The following MYO18B variants were observed in gnomAD, a reference collection of about 807,000 sequenced individuals.
The protein encoded by MYO18B is myosin XVIIIB, also known as unconventional myosin-XVIIIb.
A neutral mutation model predicts 273.0 loss-of-function variants in MYO18B; 204 were observed. The observed-to-expected ratio is 0.75, with a 90% CI of 0.67 to 0.84. MYO18B has a LOEUF of 0.84. Ranked by LOEUF, MYO18B falls within the 40% of genes least tolerant of loss-of-function variation. MYO18B has a pLI of 0.00. For missense variants in MYO18B, 3,212 were observed against 3,287.6 expected, an observed-to-expected ratio of 0.98 and a Z score of 0.56; for synonymous variants, 1,330 against 1,305.7, an observed-to-expected ratio of 1.02 and a Z score of -0.40.
rs144574970 is a variant in MYO18B at position 26,026,210 on chromosome 22, A to C, written c.6471-235A>C. 2.7e-3 allele frequency among the ~76,000 whole-genome samples: 407 copies of C among 152,258 alleles called. 3 individuals are homozygous for C. Among genetic ancestry groups the C allele is most frequent in the African/African-American group, 9.5e-3 (394 of 41,542 alleles). On this transcript the variant is annotated intron_variant, in intron 42 of 43. Coordinates refer to ENST00000335473, the MANE Select transcript of MYO18B (RefSeq NM_032608.7). ...CCTAGCTGCAGTTTTAATCTACTCA[A>C]ATGTACTTAGCTGGGTTTAATTATA...
At chr22:25,915,727 G>T (rs188827204) in intron 33 of MYO18B, among the ~76,000 whole-genome samples, 2 of 152,160 alleles carry the variant, frequency 1.3e-5, no homozygotes, top group Admixed American at 1.3e-4. Flanking sequence ...GATACTTAAG[G>T]TATCCTGATA....
At chr22:25,814,294 CTTT>C (rs398036691) in intron 12 of MYO18B, among the ~76,000 whole-genome samples, 20 of 59,476 alleles carry the variant, frequency 3.4e-4, no homozygotes, top group East Asian at 5.4e-4. Flanking sequence ...AGGCACCGTT[CTTT>C]TTTTTTTTTT....
chr22:25,908,808 A>G (rs903093388), intron 32 of MYO18B, among the ~76,000 whole-genome samples: 6 of 152,220 alleles, frequency 3.9e-5, no homozygotes. Context: ...CTTTGTAGCC[A>G]TTCCGAACAG....
At chr22:25,824,163 G>A (rs1016909516) in intron 13 of MYO18B, among the ~76,000 whole-genome samples, 3 of 152,200 alleles carry the variant, frequency 2.0e-5, no homozygotes, top group African/African-American at 7.2e-5. Context: ...GCCGTGGAGT[G>A]GCTTAGGCAG....
chr22:25,858,144 C>G (rs897537956), intron 21 of MYO18B, among the ~76,000 whole-genome samples: 2 of 152,224 alleles, frequency 1.3e-5, no homozygotes, highest in African/African-American at 4.8e-5. Context: ...GATTTGGCCA[C>G]TTGTGTGAGA....
At chr22:25,774,440 A>G (rs985146110) in intron 7 of MYO18B, among the ~76,000 whole-genome samples, 2 of 152,220 alleles carry the variant, frequency 1.3e-5, no homozygotes, top group Non-Finnish European at 2.9e-5. Flanking sequence ...ACATTTTTAT[A>G]GACCCAGATA....
chr22:26,042,757 C>G, the MYO18B span, among the ~76,000 whole-genome samples: 1 of 152,196 alleles, frequency 6.6e-6, no homozygotes, highest in Non-Finnish European at 1.5e-5. Context: ...ACTCAACAAG[C>G]ATTTATTGAG....
At position 25,950,405 on chromosome 22, in the gene MYO18B, G is replaced by A; in HGVS notation, c.5787G>A (p.Leu1929=). The change falls in exon 37 of 44, where the codon CTG becomes CTA. Residue 1929 remains leucine (L), a synonymous_variant. Transcript: ENST00000335473. The part of the protein sequence containing the change: ...ADIGQIQELQ[L]QLEEAKKEKH... ...TTGGGCAGATCCAAGAACTGCAGCT[G>A]CAGCTGGAGGAAGCCAAGAAGGAGA... is the stretch of plus-strand genomic sequence containing the variant. 1 of 1,607,952 alleles carries A rather than the reference G, an allele frequency of 6.2e-7. No individual in the cohort carries two copies. The highest frequency in any genetic ancestry group is 1.1e-5 in the South Asian group (1 of 89,780).
In MYO18B at chr22:26,030,717, T is replaced by A; in HGVS notation, c.*287T>A. 1 of 387,830 alleles carries A rather than the reference T, an allele frequency of 2.6e-6. No homozygotes were observed. Among genetic ancestry groups the A allele is most frequent in the Admixed American group, 4.5e-5 (1 of 22,356 alleles). 24.0% of individuals were successfully genotyped at this position (387,830 alleles called of 1,614,324 possible). On this transcript the variant is annotated 3_prime_UTR_variant, in exon 44 of 44. Coordinates refer to ENST00000335473, the MANE Select transcript of MYO18B (RefSeq NM_032608.7). ...TGGGGTGCAGATAGGGGTAGGACTG[T>A]TAGAATAGAACCAACCCAAACTGTG...
chr22:25,925,750 C>G (rs1261400519), intron 34 of MYO18B, among the ~76,000 whole-genome samples: 10 of 148,918 alleles, frequency 6.7e-5, no homozygotes, highest in African/African-American at 2.5e-4. Context: ...ACTAAAAATA[C>G]AAAAATTAGC....
chr22:25,865,120 T>G (rs2090848998), intron 21 of MYO18B, among the ~76,000 whole-genome samples: 1 of 152,222 alleles, frequency 6.6e-6, no homozygotes, highest in Non-Finnish European at 1.5e-5. Context: ...GCAAAGTAAT[T>G]TATAAAGTCC....
intron 35 of MYO18B, among the ~76,000 whole-genome samples, chr22:25,947,134 T>TA (rs1269199045): frequency 6.7e-6 from 1 of 149,862 alleles, no homozygotes; most frequent in Non-Finnish European, 1.5e-5. Context: ...CACATACACA[T>TA]ACATGCGCAC....
chr22:25,914,474 T>C (rs1033159920), intron 33 of MYO18B, among the ~76,000 whole-genome samples: 1 of 152,088 alleles, frequency 6.6e-6, no homozygotes, highest in Non-Finnish European at 1.5e-5. Flanking sequence ...ACTTGTAGTT[T>C]CTATGGCTAT....
At chr22:25,959,660 C>T (rs1405697834) in intron 39 of MYO18B, among the ~76,000 whole-genome samples, 2 of 152,188 alleles carry the variant, frequency 1.3e-5, no homozygotes, top group Non-Finnish European at 2.9e-5. Context: ...TTTATTCATT[C>T]CATCAACAAA....
At chr22:25,842,240 A>C (rs1336778985) in intron 17 of MYO18B, among the ~76,000 whole-genome samples, 1 of 152,180 alleles carries the variant, frequency 6.6e-6, no homozygotes, top group African/African-American at 2.4e-5. Flanking sequence ...TGGAGTTTAG[A>C]GGCAGCAAAT....
At position 25,847,458 on chromosome 22, in the gene MYO18B, C is replaced by T; in HGVS notation, c.3581C>T (p.Ser1194Phe). 1 of 1,575,652 alleles carries T rather than the reference C, an allele frequency of 6.3e-7. No individual in the cohort carries two copies. Among genetic ancestry groups the T allele is most frequent in the Non-Finnish European group, 8.6e-7 (1 of 1,160,334 alleles). Residue 1194 changes from serine to phenylalanine, a missense_variant, in exon 20 of 44, where the codon TCC (serine) becomes TTC (phenylalanine). Transcript: ENST00000335473. ...GCGCTGACCAGCATGATCAAAAGGT[C>T]CCGGCTGCACTTTATCCACTGCCTG... ...MDALTSMIKR[S>F]RLHFIHCLVP... is the part of the protein sequence containing the mutation.
intron 21 of MYO18B, among the ~76,000 whole-genome samples, chr22:25,857,579 C>T (rs1225924276): frequency 1.3e-5 from 2 of 152,234 alleles, no homozygotes; most frequent in Non-Finnish European, 2.9e-5. Flanking sequence ...CATGGGCTCC[C>T]ACCACCTTCG....
At chr22:25,936,165 G>C (rs2092575664) in intron 34 of MYO18B, among the ~76,000 whole-genome samples, 1 of 152,186 alleles carries the variant, frequency 6.6e-6, no homozygotes, top group South Asian at 2.1e-4. Flanking sequence ...ATGTAAATGA[G>C]ACGGGGATCG....
At chr22:25,972,501 A>G (rs952538789) in intron 39 of MYO18B, among the ~76,000 whole-genome samples, 1 of 152,320 alleles carries the variant, frequency 6.6e-6, no homozygotes, top group East Asian at 1.9e-4. Flanking sequence ...TGGCTATAGA[A>G]ATGTAGAGTC....
Sources: gnomAD v4.1 joint callset for allele counts (sites outside exome capture counted in the v4.1 genomes callset) on GRCh38, gnomAD v4.1.1 for gene constraint, MANE v1.5 for transcripts, NCBI Gene and HGNC (gene_info 2026-07-23, HGNC 2026-07-21) for gene names.